The following GPC5 variants were observed in gnomAD, a reference collection of about 807,000 sequenced individuals.
GPC5 encodes glypican 5.
Under a neutral mutation model 53.9 loss-of-function variants are expected in GPC5, and 47 were observed. The ratio of observed to expected loss-of-function variants is 0.87; its 90% CI spans 0.69 to 1.11. GPC5 has a LOEUF of 1.11. Among genes scored for constraint, GPC5 ranks in the 50% most tolerant of loss-of-function variants. The pLI is 0.00. For synonymous variants in GPC5, 286 were observed against 263.3 expected, an observed-to-expected ratio of 1.09 and a Z score of -0.84; for missense variants, 748 against 713.1, an observed-to-expected ratio of 1.05 and a Z score of -0.56.
At chr13:92,860,678 A>G (rs1879152318) in intron 7 of GPC5, among the ~76,000 whole-genome samples, 1 of 152,072 alleles carries the variant, frequency 6.6e-6, no homozygotes, top group South Asian at 2.1e-4. Context: ...TAAATTTAAC[A>G]TAATAAGATT....
intron 7 of GPC5, among the ~76,000 whole-genome samples, chr13:92,218,553 C>A (rs1442640686): frequency 1.3e-5 from 2 of 152,174 alleles, no homozygotes; most frequent in African/African-American, 4.8e-5. Context: ...TCACCCAGTT[C>A]AGCCCCTTTG....
At chr13:91,867,001 AG>A (rs1277435839) in intron 5 of GPC5, among the ~76,000 whole-genome samples, 2 of 152,246 alleles carry the variant, frequency 1.3e-5, no homozygotes, top group South Asian at 4.1e-4. Flanking sequence ...AGATCACCTG[AG>A]GTTGGGAGTT....
chr13:91,701,549 CTGTGTGTG>C (rs143841432), intron 3 of GPC5, among the ~76,000 whole-genome samples: 1 of 148,426 alleles, frequency 6.7e-6, no homozygotes, highest in Non-Finnish European at 1.5e-5. Flanking sequence ...TAATATTCCA[CTGTGTGTG>C]TGTGTGTGTG....
intron 4 of GPC5, among the ~76,000 whole-genome samples, chr13:91,754,580 C>T (rs2037249358): frequency 6.6e-6 from 1 of 152,042 alleles, no homozygotes; most frequent in Non-Finnish European, 1.5e-5. Flanking sequence ...TCCTAGAAGA[C>T]TCTGATTCCG....
intron 6 of GPC5, among the ~76,000 whole-genome samples, chr13:91,916,618 C>T (rs752703065): frequency 6.6e-6 from 1 of 152,114 alleles, no homozygotes; most frequent in Non-Finnish European, 1.5e-5. Context: ...TGTTCTCAGG[C>T]TGCTGTGAAG....
At chr13:91,769,006 C>T (rs2037574156) in intron 5 of GPC5, among the ~76,000 whole-genome samples, 1 of 144,062 alleles carries the variant, frequency 6.9e-6, no homozygotes, top group South Asian at 2.1e-4. Flanking sequence ...AAAAACAAAA[C>T]CAGTCTTTCT....
chr13:91,501,907 G>A (rs1884659330), intron 2 of GPC5, among the ~76,000 whole-genome samples: 1 of 152,186 alleles, frequency 6.6e-6, no homozygotes. Context: ...TCCAGCACCT[G>A]TTGTTTCCTG....
intron 2 of GPC5, among the ~76,000 whole-genome samples, chr13:91,689,766 A>T (rs1268508049): frequency 6.6e-6 from 1 of 152,182 alleles, no homozygotes; most frequent in East Asian, 1.9e-4. Context: ...TTCAGGAACA[A>T]TAACAGGCAT....
chr13:92,122,295 T>C (rs1450261444), intron 6 of GPC5, among the ~76,000 whole-genome samples: 1 of 109,510 alleles, frequency 9.1e-6, no homozygotes, highest in African/African-American at 4.4e-5. Context: ...TTTAACTTTT[T>C]TTTTAATCTG....
intron 1 of GPC5, among the ~76,000 whole-genome samples, chr13:91,419,937 A>G (rs901346132): frequency 6.6e-6 from 1 of 152,210 alleles, no homozygotes; most frequent in Non-Finnish European, 1.5e-5. Context: ...GTTATGTCAC[A>G]GTTAGACTAC....
At chr13:92,112,250 G>A (rs1353515055) in intron 6 of GPC5, among the ~76,000 whole-genome samples, 2 of 151,874 alleles carry the variant, frequency 1.3e-5, no homozygotes, top group Non-Finnish European at 2.9e-5. Flanking sequence ...CAGCCTATAA[G>A]GCATAACTGA....
intron 2 of GPC5, among the ~76,000 whole-genome samples, chr13:91,636,810 A>G (rs1462007148): frequency 6.6e-6 from 1 of 152,052 alleles, no homozygotes; most frequent in Non-Finnish European, 1.5e-5. Context: ...ATTAAAAAAA[A>G]AATTAGGCAT....
intron 5 of GPC5, among the ~76,000 whole-genome samples, chr13:91,810,571 G>A (rs2038294653): frequency 6.6e-6 from 1 of 151,670 alleles, no homozygotes; most frequent in African/African-American, 2.4e-5. Context: ...AAAGACCTTG[G>A]CTTAACACAG....
intron 7 of GPC5, among the ~76,000 whole-genome samples, chr13:92,216,214 C>G (rs1189105294): frequency 6.6e-6 from 1 of 152,180 alleles, no homozygotes; most frequent in Non-Finnish European, 1.5e-5. Flanking sequence ...ACACAAAATA[C>G]TGTAAGTGCA....
intron 6 of GPC5, among the ~76,000 whole-genome samples, chr13:92,109,726 C>T (rs1235918280): frequency 6.6e-6 from 1 of 152,080 alleles, no homozygotes; most frequent in Non-Finnish European, 1.5e-5. Flanking sequence ...TAAGAATAAT[C>T]TGAAAATTAT....
chr13:92,557,444 C>T (rs1650575118), intron 7 of GPC5, among the ~76,000 whole-genome samples: 1 of 151,784 alleles, frequency 6.6e-6, no homozygotes, highest in Admixed American at 6.6e-5. Context: ...ATACTTTACC[C>T]CTAATTGGAA....
chr13:91,752,238 GTATGTATGTATGTATA>G (rs1020107390), intron 4 of GPC5, among the ~76,000 whole-genome samples: 1 of 152,062 alleles, frequency 6.6e-6, no homozygotes, highest in Non-Finnish European at 1.5e-5. Flanking sequence ...GGGTATGTAT[GTATGTATGTATGTATA>G]TATGTATGTA....
chr13:92,139,083 C>T (rs1314867001), intron 6 of GPC5, among the ~76,000 whole-genome samples: 1 of 152,078 alleles, frequency 6.6e-6, no homozygotes, highest in East Asian at 1.9e-4. Context: ...GGAAGTATTT[C>T]TTGGTATGAT....
At chr13:91,883,748 C>T (rs1322953851) in intron 5 of GPC5, among the ~76,000 whole-genome samples, 1 of 152,156 alleles carries the variant, frequency 6.6e-6, no homozygotes, top group Non-Finnish European at 1.5e-5. Flanking sequence ...GTTCCTCAAA[C>T]TGGCATGGGA....
Sources: allele counts gnomAD v4.1 joint callset (sites outside exome capture counted in the v4.1 genomes callset), GRCh38; gene constraint gnomAD v4.1.1; transcripts MANE v1.5; gene names NCBI Gene and HGNC (gene_info 2026-07-23, HGNC 2026-07-21).